Variants in SORCS3 observed in about 807,000 individuals in gnomAD.
SORCS3 encodes the protein sortilin related VPS10 domain containing receptor 3.
A neutral mutation model predicts 146.3 loss-of-function variants in SORCS3; 57 were observed. That is an observed-to-expected ratio of 0.39 (90% CI 0.31 to 0.49). The LOEUF (loss-of-function observed/expected upper bound fraction) is 0.49, where lower values mean the gene tolerates loss of function less well. SORCS3 is among the 20% of genes least tolerant of loss of function. The probability of loss-of-function intolerance (pLI) is 0.92; values close to 1 mark genes in which losing one functional copy is unlikely to be tolerated. For missense variants in SORCS3, 1,341 were observed against 1,575.5 expected, an observed-to-expected ratio of 0.85 and a Z score of 2.52; for synonymous variants, 653 against 618.5, an observed-to-expected ratio of 1.06 and a Z score of -0.83.
intron 7 of SORCS3, among the ~76,000 whole-genome samples, chr10:105,130,194 A>G (rs775862411): frequency 2.0e-5 from 3 of 152,156 alleles, no homozygotes; most frequent in Non-Finnish European, 4.4e-5. Context: ...TAGGCAGGTT[A>G]AATTACTTGT....
intron 5 of SORCS3, among the ~76,000 whole-genome samples, chr10:105,045,173 T>C (rs1048807114): frequency 1.6e-4 from 24 of 152,154 alleles, no homozygotes; most frequent in Non-Finnish European, 2.8e-4. Context: ...AGATGAACCA[T>C]GCCACTGTGT....
chr10:104,834,839 G>A (rs549100461), intron 1 of SORCS3, among the ~76,000 whole-genome samples: 28 of 151,988 alleles, frequency 1.8e-4, no homozygotes, highest in African/African-American at 6.5e-4. Flanking sequence ...AAAATTATAA[G>A]GACCTGAAAT....
At chr10:104,934,220 A>G (rs1196180310) in intron 3 of SORCS3, among the ~76,000 whole-genome samples, 1 of 152,220 alleles carries the variant, frequency 6.6e-6, no homozygotes, top group Non-Finnish European at 1.5e-5. Flanking sequence ...CAAATAACAT[A>G]AAGGAACTTG....
intron 1 of SORCS3, among the ~76,000 whole-genome samples, chr10:104,764,456 T>A (rs1159706524): frequency 4.6e-5 from 7 of 152,196 alleles, no homozygotes; most frequent in African/African-American, 1.7e-4. Context: ...GTATGAGAAC[T>A]GCAAAGGAAA....
In SORCS3 at chr10:104,852,489, A is replaced by C. The variant is rs192728449; in HGVS notation, c.695+9630A>C. Among the ~76,000 whole-genome samples, 856 of 152,310 alleles carry C rather than the reference A, an allele frequency of 5.6e-3. 8 individuals are homozygous for C. Among genetic ancestry groups the C allele is most frequent in the African/African-American group, 0.02 (825 of 41,564 alleles). Reference sequence around the variant, plus strand: ...AGAATCACCTGGGAAATTTAAGAAAAGTCAGTTTCCTGGGCCTTATTCTAA... The same window carrying C: ...AGAATCACCTGGGAAATTTAAGAAACGTCAGTTTCCTGGGCCTTATTCTAA... On this transcript the variant is annotated intron_variant, in intron 2 of 26. Transcript: ENST00000369701.
At chr10:105,214,399 A>G (rs753625045) in intron 17 of SORCS3, 43 bp from the exon 18 acceptor site, 2 of 1,608,498 alleles carry the variant, frequency 1.2e-6, no homozygotes, top group East Asian at 2.2e-5. Context: ...AGCAACAACA[A>G]CACAATCAAC....
chr10:105,011,675 C>T (rs1356960319), intron 4 of SORCS3, among the ~76,000 whole-genome samples: 2 of 152,146 alleles, frequency 1.3e-5, no homozygotes, highest in Non-Finnish European at 2.9e-5. Context: ...TAGTGGCCAA[C>T]AGTGGTGAGA....
At chr10:104,708,026 G>C (rs2016358903) in intron 1 of SORCS3, among the ~76,000 whole-genome samples, 2 of 152,212 alleles carry the variant, frequency 1.3e-5, no homozygotes, top group Non-Finnish European at 2.9e-5. Context: ...ATAGAACAAT[G>C]AAGTGTTGAC....
At chr10:105,174,890 C>T (rs1195503926) in intron 13 of SORCS3, among the ~76,000 whole-genome samples, 1 of 152,114 alleles carries the variant, frequency 6.6e-6, no homozygotes, top group Admixed American at 6.5e-5. Flanking sequence ...CTGCGATGGT[C>T]TCTCCGTGTC....
chr10:104,983,687 A>G (rs973055442), intron 4 of SORCS3, among the ~76,000 whole-genome samples: 1 of 151,770 alleles, frequency 6.6e-6, no homozygotes, highest in African/African-American at 2.4e-5. Flanking sequence ...AGTGCTGACT[A>G]CTTTGCTTGA....
intron 3 of SORCS3, among the ~76,000 whole-genome samples, chr10:104,945,225 T>A (rs1477159380): frequency 1.3e-5 from 2 of 151,714 alleles, no homozygotes; most frequent in Non-Finnish European, 2.9e-5. Flanking sequence ...TTCTGAGGTG[T>A]TGCTAATTTT....
Position 105,252,776 on chromosome 10 carries a change from T to C in SORCS3, c.3107T>C (p.Val1036Ala). The change falls in exon 23 of 27, where the codon GTA (valine) becomes GCA (alanine). Residue 1036 changes from valine (V) to alanine (A), a missense_variant and splice_region_variant. Transcript: ENST00000369701. ...GNVIKRALVK[V>A]TSVPEDQILI... ...CTCTTTGTCTGAACATCTTTGCAGG[T>C]AACCAGTGTCCCAGAGGACCAGATC... The C allele has an allele frequency of 6.2e-7, 1 of 1,613,972 alleles. No homozygotes were observed. Among genetic ancestry groups the C allele is most frequent in the Non-Finnish European group, 8.5e-7 (1 of 1,179,916 alleles).
At chr10:105,021,500 A>G (rs928906926) in intron 4 of SORCS3, among the ~76,000 whole-genome samples, 1 of 152,180 alleles carries the variant, frequency 6.6e-6, no homozygotes, top group Non-Finnish European at 1.5e-5. Context: ...AATAGAATGT[A>G]TATCTTTTCT....
chr10:105,131,309 G>A (rs1374148628), intron 7 of SORCS3, among the ~76,000 whole-genome samples: 1 of 152,172 alleles, frequency 6.6e-6, no homozygotes, highest in East Asian at 1.9e-4. Flanking sequence ...GGCAGTGTGA[G>A]AAGTAACTAA....
chr10:104,799,805 A>G (rs2133508098), intron 1 of SORCS3, among the ~76,000 whole-genome samples: 1 of 151,968 alleles, frequency 6.6e-6, no homozygotes, highest in African/African-American at 2.4e-5. Context: ...CCTCCTGAGT[A>G]GCTGGGACTA....
rs1451411251 is a variant in SORCS3 at position 105,178,162 on chromosome 10, C to G, written c.1998C>G (p.Thr666=). The change falls in exon 14 of 27, where the codon ACC becomes ACG. Residue 666 remains threonine (T), a synonymous_variant. Coordinates refer to ENST00000369701, the MANE Select transcript of SORCS3 (RefSeq NM_014978.3). ...DGALVEAGME[T]HIMTVFGHFS... ...CTCTGGTGGAGGCAGGAATGGAGAC[C>G]CACATCATGACGTGAGTACTTCTTT... 6.2e-7 allele frequency: 1 copy of G among 1,611,650 alleles called. No individual in the cohort carries two copies. Among genetic ancestry groups the G allele is most frequent in the Admixed American group, 1.7e-5 (1 of 59,824 alleles).
intron 1 of SORCS3, among the ~76,000 whole-genome samples, chr10:104,811,836 A>G (rs1034585945): frequency 1.1e-4 from 16 of 152,130 alleles, no homozygotes; most frequent in Non-Finnish European, 2.4e-4. Flanking sequence ...ATGTTTTGAG[A>G]ACAAAGGAAT....
chr10:104,893,401 CA>C (rs1384985518), intron 2 of SORCS3, among the ~76,000 whole-genome samples: 5 of 152,196 alleles, frequency 3.3e-5, no homozygotes, highest in African/African-American at 1.2e-4. Flanking sequence ...TGACCAAGAA[CA>C]ATGGCCTCTT....
intron 9 of SORCS3, among the ~76,000 whole-genome samples, 165 bp from the exon 10 acceptor site, chr10:105,156,973 T>C (rs2056215088): frequency 6.6e-6 from 1 of 152,158 alleles, no homozygotes. Context: ...TTTTTAAACA[T>C]TTTTCAGAGA....
Sources: allele counts gnomAD v4.1 joint callset (sites outside exome capture counted in the v4.1 genomes callset), GRCh38; gene constraint gnomAD v4.1.1; transcripts MANE v1.5; gene names NCBI Gene and HGNC (gene_info 2026-07-23, HGNC 2026-07-21).